The following NPAS3 variants were observed in gnomAD, a reference collection of about 807,000 sequenced individuals.
NPAS3 encodes neuronal PAS domain protein 3.
A neutral mutation model predicts 73.1 loss-of-function variants in NPAS3; 14 were observed. The ratio of observed to expected loss-of-function variants is 0.19; its 90% CI spans 0.13 to 0.30. NPAS3 has a LOEUF of 0.30. NPAS3 is among the 10% of genes least tolerant of loss of function. The pLI is 1.00. For synonymous variants in NPAS3, 620 were observed against 541.5 expected (o/e 1.14, Z -2.01); for missense variants, 1,096 against 1,250.0 (o/e 0.88, Z 1.86).
At chr14:33,752,055 C>T (rs2061979452) in intron 7 of NPAS3, among the ~76,000 whole-genome samples, 1 of 151,998 alleles carries the variant, frequency 6.6e-6, no homozygotes, top group South Asian at 2.1e-4. Flanking sequence ...CTTTATATTC[C>T]TGGATTGAAT....
intron 6 of NPAS3, among the ~76,000 whole-genome samples, chr14:33,733,893 A>G (rs1367572681): frequency 6.6e-6 from 1 of 152,198 alleles, no homozygotes; most frequent in Non-Finnish European, 1.5e-5. Flanking sequence ...TAAGATAAAA[A>G]TGATAGAAGA....
intron 2 of NPAS3, among the ~76,000 whole-genome samples, chr14:33,197,366 C>T (rs1339398426): frequency 6.6e-6 from 1 of 151,910 alleles, no homozygotes; most frequent in Non-Finnish European, 1.5e-5. Context: ...TTGCTCCCAC[C>T]TGCTGTGAGT....
chr14:33,729,799 C>T (rs2061357634), intron 6 of NPAS3, among the ~76,000 whole-genome samples: 1 of 152,116 alleles, frequency 6.6e-6, no homozygotes, highest in East Asian at 1.9e-4. Context: ...TTAGCCCACA[C>T]CAACTCGAGG....
intron 1 of NPAS3, among the ~76,000 whole-genome samples, chr14:33,021,063 C>G (rs1415531457): frequency 6.6e-6 from 1 of 152,174 alleles, no homozygotes; most frequent in South Asian, 2.1e-4. Flanking sequence ...TGCACCCGGC[C>G]AGGTCCGACA....
intron 2 of NPAS3, among the ~76,000 whole-genome samples, chr14:33,153,811 T>C (rs1022187045): frequency 1.3e-5 from 2 of 152,220 alleles, no homozygotes; most frequent in African/African-American, 4.8e-5. Context: ...TGTTTTGGAC[T>C]CTTTCTCAGC....
At chr14:33,249,939 C>G (rs2048523552) in intron 3 of NPAS3, among the ~76,000 whole-genome samples, 1 of 151,734 alleles carries the variant, frequency 6.6e-6, no homozygotes, top group Admixed American at 6.6e-5. Context: ...CACACACACC[C>G]CTACATACAC....
chr14:33,516,587 T>A (rs1285060854), intron 4 of NPAS3, among the ~76,000 whole-genome samples: 1 of 152,144 alleles, frequency 6.6e-6, no homozygotes, highest in Non-Finnish European at 1.5e-5. Flanking sequence ...CTAGGGCAAG[T>A]TCTATAACCT....
chr14:32,943,683 TTTTC>T (rs2139075590), intron 1 of NPAS3, among the ~76,000 whole-genome samples: 1 of 122,394 alleles, frequency 8.2e-6, no homozygotes, highest in Non-Finnish European at 1.6e-5. Context: ...TCTTTATTTC[TTTTC>T]TTTTTCTTTT....
intron 7 of NPAS3, among the ~76,000 whole-genome samples, chr14:33,753,517 G>A (rs1409223540): frequency 6.6e-6 from 1 of 152,142 alleles, no homozygotes; most frequent in Non-Finnish European, 1.5e-5. Context: ...TGCAGTAACT[G>A]TAAGTAATGA....
intron 4 of NPAS3, among the ~76,000 whole-genome samples, chr14:33,430,558 A>T (rs761979216): frequency 6.6e-5 from 10 of 151,978 alleles, no homozygotes; most frequent in Non-Finnish European, 1.3e-4. Context: ...GGGTGTCTGC[A>T]CTGTGACAAG....
intron 1 of NPAS3, among the ~76,000 whole-genome samples, chr14:32,972,276 A>G (rs1414011236): frequency 3.3e-5 from 5 of 152,142 alleles, no homozygotes; most frequent in Admixed American, 3.3e-4. Flanking sequence ...TATCCTGTGT[A>G]GTAAAACATT....
chr14:33,143,974 AGTT>A (rs1218634747), intron 2 of NPAS3, among the ~76,000 whole-genome samples: 1 of 152,076 alleles, frequency 6.6e-6, no homozygotes, highest in East Asian at 1.9e-4. Flanking sequence ...TGGATATTTG[AGTT>A]GTTTTCCTCT....
At chr14:33,625,315 CAG>C (rs1341007528) in intron 5 of NPAS3, among the ~76,000 whole-genome samples, 1 of 152,194 alleles carries the variant, frequency 6.6e-6, no homozygotes, top group Non-Finnish European at 1.5e-5. Context: ...AACACGATAA[CAG>C]AGACCACTTT....
chr14:33,666,794 T>C (rs2059462776), intron 5 of NPAS3, among the ~76,000 whole-genome samples: 2 of 152,260 alleles, frequency 1.3e-5, no homozygotes, highest in Admixed American at 1.3e-4. Context: ...GAATAAATGA[T>C]AGATAAATAC....
intron 2 of NPAS3, among the ~76,000 whole-genome samples, chr14:33,064,075 C>G (rs192276424): frequency 6.6e-6 from 1 of 151,956 alleles, no homozygotes; most frequent in African/African-American, 2.4e-5. Context: ...ACAGTATTGC[C>G]TTAAAGGAGA....
At chr14:33,610,850 T>A (rs796639348) in intron 5 of NPAS3, 1 of 152,226 alleles carries the variant, frequency 6.6e-6, no homozygotes, top group South Asian at 2.1e-4. Context: ...TGAATTTTAA[T>A]GAACAGTTTG....
rs574171350 is a variant in NPAS3 at position 33,360,905 on chromosome 14, G to A, written c.386-6281G>A. ...TTCCTGAGGTTCTGTCCTCCGAGAC[G>A]TTGACTGTCAGACGTTGACCTCATT... On this transcript the variant is annotated intron_variant, in intron 3 of 11. Transcript: ENST00000356141. Among the ~76,000 whole-genome samples, 77 of 152,082 alleles carry A rather than the reference G, an allele frequency of 5.1e-4. 1 individual carries two copies. The highest frequency in any genetic ancestry group is 9.3e-4 in the Non-Finnish European group (63 of 68,022).
chr14:33,475,942 T>C (rs536464289), intron 4 of NPAS3, among the ~76,000 whole-genome samples: 1 of 152,294 alleles, frequency 6.6e-6, no homozygotes, highest in East Asian at 1.9e-4. Flanking sequence ...ATCCTCACTT[T>C]GAGATGGGAC....
intron 2 of NPAS3, among the ~76,000 whole-genome samples, chr14:33,060,347 A>C (rs1167592114): frequency 6.6e-6 from 1 of 152,172 alleles, no homozygotes; most frequent in African/African-American, 2.4e-5. Flanking sequence ...GAAAAGATGG[A>C]GTGAGTCTGA....
Sources: allele counts gnomAD v4.1 joint callset (sites outside exome capture counted in the v4.1 genomes callset), GRCh38; gene constraint gnomAD v4.1.1; transcripts MANE v1.5; gene names NCBI Gene and HGNC (gene_info 2026-07-23, HGNC 2026-07-21).